The following ELMOD3 variants were observed in gnomAD, a reference collection of about 807,000 sequenced individuals.
ELMOD3 encodes ELMO domain-containing protein 3.
Under a neutral mutation model 47.4 loss-of-function variants are expected in ELMOD3, and 36 were observed. The ratio of observed to expected loss-of-function variants is 0.76; its 90% CI spans 0.58 to 1.00. The LOEUF is 1.00. Ranked by LOEUF, ELMOD3 falls within the 50% of genes least tolerant of loss-of-function variation. ELMOD3 has a pLI of 0.00. For missense variants in ELMOD3, 404 were observed against 463.8 expected, an observed-to-expected ratio of 0.87 and a Z score of 1.18; for synonymous variants, 149 against 183.5, an observed-to-expected ratio of 0.81 and a Z score of 1.52.
chr2:85,367,988 C>T (rs1259077992), intron 6 of ELMOD3, among the ~76,000 whole-genome samples: 2 of 151,962 alleles, frequency 1.3e-5, no homozygotes, highest in African/African-American at 4.8e-5. Flanking sequence ...TCTCTGCTCA[C>T]TGCAACTCCG....
chr2:85,390,204 C>T lies in ELMOD3; in HGVS notation c.882C>T (p.His294=), dbSNP rs17850708. The change falls in exon 13 of 14, where the codon CAC becomes CAT. Residue 294 remains histidine, a synonymous_variant. Transcript: ENST00000409013. ...GCTTCTATGCCGCCACATTCCTCCA[C>T]CTCGCACATGTCTGGAGGACACAGC... is the stretch of plus-strand genomic sequence containing the variant. ...VNSFYAATFL[H]LAHVWRTQRK... The T allele has an allele frequency of 0.062, 100,714 of 1,614,146 alleles. 3,481 individuals are homozygous for T. Among genetic ancestry groups the T allele is most frequent in the Non-Finnish European group, 0.071 (83,542 of 1,179,994 alleles).
intron 11 of ELMOD3, chr2:85,387,294 C>A: frequency 1.0e-6 from 1 of 1,003,364 alleles, no homozygotes; most frequent in Non-Finnish European, 1.2e-6. Flanking sequence ...GTACTTTGCA[C>A]ATGTGATCTT....
At chr2:85,368,621 G>A in intron 6 of ELMOD3, 65 bp from the exon 7 acceptor site, 1 of 1,531,530 alleles carries the variant, frequency 6.5e-7, no homozygotes, top group Non-Finnish European at 9.0e-7. Flanking sequence ...ACAAGGCTGG[G>A]GTCTGCAGTA....
At position 85,380,068 on chromosome 2, in the gene ELMOD3, G is replaced by A. The variant is rs145360869; in HGVS notation, c.738+2594G>A. On this transcript the variant is annotated intron_variant, in intron 11 of 13. Transcript: ENST00000409013. ...TTGAGTTCTTAAAAGAAATGACATG[G>A]TTCCAGTCAAAGCCTTGGTAAAATA... Among the ~76,000 whole-genome samples the A allele has an allele frequency of 1.7e-3, 263 of 152,326 alleles. 2 individuals are homozygous for A. Among genetic ancestry groups the A allele is most frequent in the African/African-American group, 6.0e-3 (250 of 41,564 alleles).
At chr2:85,372,385 G>A (rs1684859726) in intron 10 of ELMOD3, 1 of 152,100 alleles carries the variant, frequency 6.6e-6, no homozygotes, top group African/African-American at 2.4e-5. Flanking sequence ...AAAGTGACAG[G>A]AGGAAAGATC....
At chr2:85,363,522 A>G (rs1684131867) in intron 6 of ELMOD3, among the ~76,000 whole-genome samples, 1 of 152,236 alleles carries the variant, frequency 6.6e-6, no homozygotes, top group Non-Finnish European at 1.5e-5. Flanking sequence ...TACTATATTT[A>G]AAGTTCACTC....
chr2:85,374,653 CTT>C (rs1366041713), intron 10 of ELMOD3, among the ~76,000 whole-genome samples: 1 of 150,376 alleles, frequency 6.6e-6, no homozygotes, highest in Admixed American at 6.6e-5. Flanking sequence ...AAAAAAAAAA[CTT>C]TTGTTTAGTA....
At chr2:85,364,816 TA>T (rs1684242867) in intron 6 of ELMOD3, among the ~76,000 whole-genome samples, 1 of 89,814 alleles carries the variant, frequency 1.1e-5, no homozygotes, top group Non-Finnish European at 2.2e-5. Flanking sequence ...TATATATATA[TA>T]TATATATATT....
chr2:85,379,755 C>T (rs186801806), intron 11 of ELMOD3, among the ~76,000 whole-genome samples: 79 of 152,260 alleles, frequency 5.2e-4, no homozygotes, highest in African/African-American at 1.7e-3. Flanking sequence ...TTATTTTTCA[C>T]ATAGGCTTTT....
intron 4 of ELMOD3, among the ~76,000 whole-genome samples, chr2:85,361,836 C>T (rs1333150043): frequency 5.3e-5 from 8 of 151,764 alleles, no homozygotes; most frequent in African/African-American, 1.9e-4. Flanking sequence ...AAGGCTGAGG[C>T]AGGAGAATGG....
intron 6 of ELMOD3, chr2:85,368,238 C>A: frequency 6.2e-6 from 1 of 162,026 alleles, no homozygotes; most frequent in Non-Finnish European, 1.4e-5. Context: ...CTCACTCTAG[C>A]AAACCTGTGA....
rs554041739 is a variant in ELMOD3, at chr2:85,367,214, TATG to T, written c.200-1469_200-1467del. On this transcript the variant is annotated intron_variant, in intron 6 of 13. Transcript: ENST00000409013. ...GGAGTAGGAGAAACAATGACTACAC[TATG>T]ATAAGCACGGGTTGTCAGGGTCTCA... is the stretch of plus-strand genomic sequence containing the variant. Among the ~76,000 whole-genome samples, 113 of 152,300 alleles carry T rather than the reference TATG, an allele frequency of 7.4e-4. 1 individual carries two copies. Among genetic ancestry groups the T allele is most frequent in the African/African-American group, 2.6e-3 (106 of 41,532 alleles).
At chr2:85,380,732 C>T (rs917179086) in intron 11 of ELMOD3, among the ~76,000 whole-genome samples, 1 of 152,158 alleles carries the variant, frequency 6.6e-6, no homozygotes, top group Non-Finnish European at 1.5e-5. Flanking sequence ...GCCATGTTGG[C>T]CAGGCTGGTC....
chr2:85,390,790 G>T lies in ELMOD3; in HGVS notation c.974G>T (p.Arg325Leu), dbSNP rs17850709. 0.063 allele frequency: 97,700 copies of T among 1,551,444 alleles called. 3,390 individuals carry two copies. Among genetic ancestry groups the T allele is most frequent in the Non-Finnish European group, 0.071 (81,477 of 1,147,002 alleles). ...ELEVLAKKSP[R>L]RLLKTLELYL... Reference sequence around the variant, plus strand: ...GAAGTATTGGCCAAGAAGAGCCCACGGCGGCTGCTCAAGACCCTGGAGCTG... The same window carrying T: ...GAAGTATTGGCCAAGAAGAGCCCACTGCGGCTGCTCAAGACCCTGGAGCTG... Residue 325 changes from arginine (R) to leucine (L), a missense_variant, in exon 14 of 14, where the codon CGG (arginine) becomes CTG (leucine). Physicochemically the swap from Arg to Leu is moderately radical, Grantham distance 102. Coordinates refer to ENST00000409013, the MANE Select transcript of ELMOD3 (RefSeq NM_001135022.2).
At chr2:85,386,706 T>C (rs1685954164) in intron 11 of ELMOD3, among the ~76,000 whole-genome samples, 1 of 151,944 alleles carries the variant, frequency 6.6e-6, no homozygotes, top group South Asian at 2.1e-4. Flanking sequence ...TTTTTAAGAA[T>C]GTTCCCGGGC....
intron 13 of ELMOD3, 161 bp downstream of exon 13, chr2:85,390,426 T>C: frequency 6.2e-7 from 1 of 1,614,216 alleles, no homozygotes. Flanking sequence ...CCCTGGAGTC[T>C]GCTAGTTCTC....
intron 11 of ELMOD3, among the ~76,000 whole-genome samples, chr2:85,385,740 A>AG (rs1160739608): frequency 1.3e-5 from 2 of 151,762 alleles, no homozygotes; most frequent in Admixed American, 6.6e-5. Context: ...GAGGCACTGC[A>AG]GGGCTTTGAG....
At chr2:85,377,300 A>G (rs2104647371) in intron 10 of ELMOD3, 44 bp from the exon 11 acceptor site, 1 of 1,529,468 alleles carries the variant, frequency 6.5e-7, no homozygotes, top group Non-Finnish European at 8.8e-7. Flanking sequence ...CCCTTGAAGC[A>G]TTGCTCGCTG....
intron 6 of ELMOD3, among the ~76,000 whole-genome samples, chr2:85,366,013 C>T (rs896445056): frequency 2.0e-4 from 30 of 152,066 alleles, no homozygotes; most frequent in African/African-American, 7.0e-4. Flanking sequence ...GGCTAGAGTG[C>T]AATGGCGCAA....
Sources: gnomAD v4.1 joint callset for allele counts (sites outside exome capture counted in the v4.1 genomes callset) on GRCh38, gnomAD v4.1.1 for gene constraint, MANE v1.5 for transcripts, NCBI Gene and HGNC (gene_info 2026-07-23, HGNC 2026-07-21) for gene names.